The following PLPPR1 variants were observed in gnomAD, a reference collection of about 807,000 sequenced individuals.
The protein encoded by PLPPR1 is phospholipid phosphatase related 1, also known as phospholipid phosphatase-related protein type 1.
PLPPR1 carries 10 observed loss-of-function variants against 33.1 expected under a neutral mutation model. The ratio of observed to expected loss-of-function variants is 0.30; its 90% CI spans 0.19 to 0.51. The LOEUF (loss-of-function observed/expected upper bound fraction) is 0.51, where lower values mean the gene tolerates loss of function less well. Ranked by LOEUF, PLPPR1 falls within the 20% of genes least tolerant of loss-of-function variation. The pLI, the probability that PLPPR1 is intolerant of heterozygous loss-of-function variation, is 0.97. For synonymous variants in PLPPR1, 151 were observed against 151.0 expected, an observed-to-expected ratio of 1.00 and a Z score of 0.00; for missense variants, 304 against 408.1, an observed-to-expected ratio of 0.74 and a Z score of 2.20.
chr9:101,159,697 G>A (rs2118668451), intron 1 of PLPPR1, among the ~76,000 whole-genome samples: 1 of 152,324 alleles, frequency 6.6e-6, no homozygotes, highest in Admixed American at 6.5e-5. Flanking sequence ...GAGTGCAAAA[G>A]CACAAAGATT....
Position 101,309,615 on chromosome 9 carries a change from C to A in PLPPR1, c.636+154C>A, listed in dbSNP as rs537856720. On this transcript the variant is annotated intron_variant, in intron 5 of 7. Coordinates refer to ENST00000374874, the MANE Select transcript of PLPPR1 (RefSeq NM_207299.2). ...TTATGCTATTGATATACTAGCCCCC[C>A]CACACACACACTTCTACCCCACTTT... Among the ~76,000 whole-genome samples, 52 of 152,132 alleles carry A rather than the reference C, an allele frequency of 3.4e-4. No individual in the cohort carries two copies. The South Asian group carries it at 5.0e-3, about 15-fold the overall frequency.
Position 101,082,926 on chromosome 9 carries a change from A to G in PLPPR1, c.-46+53824A>G, listed in dbSNP as rs76919283. Among the ~76,000 whole-genome samples the G allele has an allele frequency of 6.9e-3, 1,052 of 152,086 alleles. 12 individuals are homozygous for G. The highest frequency in any genetic ancestry group is 0.024 in the African/African-American group (1,011 of 41,546). On this transcript the variant is annotated intron_variant, in intron 1 of 7. Coordinates refer to ENST00000374874, the MANE Select transcript of PLPPR1 (RefSeq NM_207299.2). ...TGCTCAGCATGTGCCAGTGAGGGACAACTACTGTCATCACCCTGATTTTCA... is the reference window on the plus strand; with the variant it reads ...TGCTCAGCATGTGCCAGTGAGGGACGACTACTGTCATCACCCTGATTTTCA...
intron 1 of PLPPR1, among the ~76,000 whole-genome samples, chr9:101,051,758 A>G (rs368142061): frequency 1.3e-5 from 2 of 152,204 alleles, no homozygotes; most frequent in Non-Finnish European, 2.9e-5. Flanking sequence ...CAAGGCAGGT[A>G]GACATTTATT....
chr9:101,189,148 G>T (rs1444648019), intron 2 of PLPPR1, among the ~76,000 whole-genome samples: 2 of 152,024 alleles, frequency 1.3e-5, no homozygotes, highest in African/African-American at 2.4e-5. Flanking sequence ...GTGAAGCTTG[G>T]TTTCATACAT....
In PLPPR1 at chr9:101,284,503, TTAAG is replaced by T. The variant is rs201836868; in HGVS notation, c.253-1599_253-1596del. On this transcript the variant is annotated intron_variant, in intron 3 of 7. Coordinates refer to ENST00000374874, the MANE Select transcript of PLPPR1 (RefSeq NM_207299.2). ...ATTCTTGAAAAATTCCAAGTGAACATTAAGTGTTTGTACCACAAAAATGATAACT... is the reference window on the plus strand; with the variant it reads ...ATTCTTGAAAAATTCCAAGTGAACATTGTTTGTACCACAAAAATGATAACT... Among the ~76,000 whole-genome samples the T allele has an allele frequency of 5.8e-3, 876 of 152,278 alleles. 1 individual carries two copies. Among genetic ancestry groups the T allele is most frequent in the Middle Eastern group, 0.01 (3 of 294 alleles).
intron 2 of PLPPR1, among the ~76,000 whole-genome samples, chr9:101,221,024 C>T (rs1290223052): frequency 1.3e-5 from 2 of 152,204 alleles, no homozygotes; most frequent in African/African-American, 4.8e-5. Context: ...ATGACTCCTA[C>T]AGTTGATAGT....
At position 101,072,493 on chromosome 9, in the gene PLPPR1, A is replaced by G. The variant is rs892044099; in HGVS notation, c.-46+43391A>G. Among the ~76,000 whole-genome samples the G allele has an allele frequency of 2.0e-5, 3 of 152,162 alleles. No homozygotes were observed. In the East Asian group the frequency reaches 5.8e-4, roughly 29 times the overall value. On this transcript the variant is annotated intron_variant, in intron 1 of 7. Transcript: ENST00000374874. ...GGACGTGTAGTCTAGCTGTGTGCCC[A>G]GGAAGAGAAGGGAACTGATTTGGTG...
intron 2 of PLPPR1, among the ~76,000 whole-genome samples, chr9:101,248,524 A>G (rs2118861438): frequency 6.6e-6 from 1 of 152,194 alleles, no homozygotes; most frequent in East Asian, 1.9e-4. Context: ...CATTTTCAAA[A>G]GAACCAGAAA....
intron 2 of PLPPR1, among the ~76,000 whole-genome samples, chr9:101,205,969 A>C (rs1826582305): frequency 6.6e-6 from 1 of 152,192 alleles, no homozygotes; most frequent in Non-Finnish European, 1.5e-5. Flanking sequence ...ATCTCCTCAG[A>C]GAGACTGTCA....
At chr9:101,187,894 AG>A (rs1178425193) in intron 2 of PLPPR1, 1 of 152,066 alleles carries the variant, frequency 6.6e-6, no homozygotes, top group Admixed American at 6.6e-5. Flanking sequence ...TCCTGAAGCC[AG>A]AAGTCATTAT....
At chr9:101,184,737 G>A (rs1330719948) in intron 1 of PLPPR1, among the ~76,000 whole-genome samples, 1 of 151,908 alleles carries the variant, frequency 6.6e-6, no homozygotes, top group Non-Finnish European at 1.5e-5. Context: ...CAGGGAAGAT[G>A]TGTTCTAATA....
chr9:101,056,284 G>A (rs572308419), intron 1 of PLPPR1, among the ~76,000 whole-genome samples: 33 of 152,316 alleles, frequency 2.2e-4, no homozygotes, highest in African/African-American at 7.9e-4. Context: ...GATGAAGTTT[G>A]TCAGATGAAG....
rs1422182875 is a variant in PLPPR1, at chr9:101,324,097, TC to T, written c.*42del. 1 of 1,566,094 alleles carries T rather than the reference TC, an allele frequency of 6.4e-7. No individual in the cohort carries two copies. The highest frequency in any genetic ancestry group is 2.2e-5 in the East Asian group (1 of 44,522). ...CACAAGCTGTTTTTTAAAATCATCTTCCAATTCTATACTTCAAAACACACAG... is the reference window on the plus strand; with the variant it reads ...CACAAGCTGTTTTTTAAAATCATCTTCAATTCTATACTTCAAAACACACAG... On this transcript the variant is annotated 3_prime_UTR_variant, in exon 8 of 8. Transcript: ENST00000374874.
At chr9:101,080,406 T>C (rs1458805682) in intron 1 of PLPPR1, among the ~76,000 whole-genome samples, 1 of 152,006 alleles carries the variant, frequency 6.6e-6, no homozygotes, top group African/African-American at 2.4e-5. Flanking sequence ...CCCAGCTGCT[T>C]GAGAGTCTGA....
intron 2 of PLPPR1, among the ~76,000 whole-genome samples, chr9:101,247,699 G>C (rs1827636894): frequency 6.6e-6 from 1 of 152,026 alleles, no homozygotes. Context: ...AAACACATGA[G>C]CTGTGCTGTG....
intron 1 of PLPPR1, among the ~76,000 whole-genome samples, chr9:101,181,718 T>TATACC: frequency 8.6e-6 from 1 of 116,342 alleles, no homozygotes; most frequent in Admixed American, 9.4e-5. Flanking sequence ...ACCAAATTAC[T>TATACC]ATTTGGGGGT....
At chr9:101,107,165 C>G (rs1459779891) in intron 1 of PLPPR1, among the ~76,000 whole-genome samples, 2 of 104,286 alleles carry the variant, frequency 1.9e-5, no homozygotes, top group Admixed American at 1.9e-4. Flanking sequence ...AATCATTCTC[C>G]ATCCAGCTTT....
intron 1 of PLPPR1, among the ~76,000 whole-genome samples, chr9:101,069,139 G>A (rs201091489): frequency 6.7e-6 from 1 of 149,808 alleles, no homozygotes. Flanking sequence ...ATTTGTTTAG[G>A]AAAAAAAAAA....
At chr9:101,284,111 G>A (rs1206862775) in intron 3 of PLPPR1, among the ~76,000 whole-genome samples, 1 of 151,976 alleles carries the variant, frequency 6.6e-6, no homozygotes, top group Non-Finnish European at 1.5e-5. Flanking sequence ...CATTGATCTA[G>A]TAGCAATCTA....
Sources: allele counts gnomAD v4.1 joint callset (sites outside exome capture counted in the v4.1 genomes callset), GRCh38; gene constraint gnomAD v4.1.1; transcripts MANE v1.5; gene names NCBI Gene and HGNC (gene_info 2026-07-23, HGNC 2026-07-21).